TRMT13: variants seen among roughly 807,000 people sequenced by gnomAD.
TRMT13 encodes tRNA methyltransferase 13.
In TRMT13, 45 loss-of-function variants were observed where a neutral mutation model predicts 55.9. The ratio of observed to expected loss-of-function variants is 0.80; its 90% CI spans 0.63 to 1.03. The LOEUF (loss-of-function observed/expected upper bound fraction) is 1.03. Ranked by LOEUF, TRMT13 falls within the 50% of genes least tolerant of loss-of-function variation. The pLI, the probability that TRMT13 is intolerant of heterozygous loss-of-function variation, is 0.00. For missense variants in TRMT13, 513 were observed against 563.9 expected (o/e 0.91, Z 0.91); for synonymous variants, 183 against 196.3 (o/e 0.93, Z 0.57).
chr1:100,133,394 T>G, intron 1 of TRMT13, 79 bp downstream of exon 1: 2 of 1,479,190 alleles, frequency 1.4e-6, no homozygotes, highest in Non-Finnish European at 1.8e-6. Context: ...GCCCCTCCCC[T>G]CTTTGACAGC....
At chr1:100,148,395 C>T (rs1657560994) in intron 10 of TRMT13, 69 bp downstream of exon 10, 3 of 1,387,164 alleles carry the variant, frequency 2.2e-6, no homozygotes, top group Non-Finnish European at 3.0e-6. Context: ...CTTTAGATGA[C>T]TATTATCAAC....
rs748775313 is a variant in TRMT13, at chr1:100,147,876, A to G, written c.818-18A>G. ...AAAGATGATGTGGTTTGGGGGGGCC[A>G]CATAATTGTGTTTGCAGATCTTGCA... On this transcript the variant is annotated intron_variant, in intron 9 of 10. Transcript: ENST00000370141. 3 of 1,570,384 alleles carry G rather than the reference A, an allele frequency of 1.9e-6. No individual in the cohort carries two copies. In the African/African-American group the frequency reaches 4.1e-5, roughly 22 times the overall value.
At position 100,148,926 on chromosome 1, in the gene TRMT13, TA is replaced by T; in HGVS notation, c.*112del. On this transcript the variant is annotated 3_prime_UTR_variant, in exon 11 of 11. Coordinates refer to ENST00000370141, the MANE Select transcript of TRMT13 (RefSeq NM_019083.3). ...TTTAAATAGCAAATAATATGAACTT[TA>T]AAAAATGCTGTGGCCTCATTAAACT... 8.7e-7 allele frequency: 1 copy of T among 1,144,146 alleles called. No homozygotes were observed. The highest frequency in any genetic ancestry group is 1.2e-6 in the Non-Finnish European group (1 of 857,522). 70.9% of individuals were successfully genotyped at this position (1,144,146 alleles called of 1,614,324 possible). A position where few individuals can be genotyped will look rare whatever the true frequency, so the allele number is the denominator to read the frequency against.
intron 9 of TRMT13, among the ~76,000 whole-genome samples, chr1:100,146,908 T>C (rs1297808287): frequency 6.6e-6 from 1 of 152,232 alleles, no homozygotes. Flanking sequence ...GTTTATGAAA[T>C]AATAGATTAG....
In TRMT13 at chr1:100,149,565, C is replaced by T. The variant is rs568299100; in HGVS notation, c.*745C>T. 4.8e-6 allele frequency: 4 copies of T among 830,258 alleles called. No homozygotes were observed. In the East Asian group the frequency reaches 1.2e-4, roughly 25 times the overall value. The allele number at this position is 830,258 out of a possible 1,614,324, so 51.4% of individuals were successfully genotyped here. ...ATAATTTCTGAAGTTGATTAGCTATCTCATATCTTTTATCAGGTCATTTTT... is the reference window on the plus strand; with the variant it reads ...ATAATTTCTGAAGTTGATTAGCTATTTCATATCTTTTATCAGGTCATTTTT... On this transcript the variant is annotated 3_prime_UTR_variant, in exon 11 of 11. Transcript: ENST00000370141.
chr1:100,146,138 T>C (rs576404653), intron 9 of TRMT13, among the ~76,000 whole-genome samples: 1 of 152,272 alleles, frequency 6.6e-6, no homozygotes, highest in African/African-American at 2.4e-5. Context: ...AAACAACTGG[T>C]CAATTTTTAC....
intron 1 of TRMT13, among the ~76,000 whole-genome samples, chr1:100,136,054 A>G (rs1655809488): frequency 6.6e-6 from 1 of 152,176 alleles, no homozygotes; most frequent in Non-Finnish European, 1.5e-5. Context: ...AGGCTATACT[A>G]TCTAGGTTTG....
chr1:100,148,189 A>C lies in TRMT13; in HGVS notation c.1113A>C (p.Ala371=), dbSNP rs371180483. The stretch of plus-strand genomic sequence containing the variant: ...ATTTCCAGCGAATGAGTAGTTGGGC[A>C]ACTTGTGGGATGCGGAAAACATCTT... ...FHYFQRMSSW[A]TCGMRKTSLE... The change falls in exon 10 of 11, where the codon GCA becomes GCC. Residue 371 remains alanine, a synonymous_variant. Transcript: ENST00000370141. 29 of 1,614,096 alleles carry C rather than the reference A, an allele frequency of 1.8e-5. No homozygotes were observed. The highest frequency in any genetic ancestry group is 2.7e-5 in the African/African-American group (2 of 74,924).
chr1:100,145,263 C>T (rs546646420), intron 9 of TRMT13, among the ~76,000 whole-genome samples: 116 of 152,298 alleles, frequency 7.6e-4, no homozygotes, highest in Non-Finnish European at 1.4e-3. Flanking sequence ...AAAACATACA[C>T]CAATAGTTAA....
chr1:100,148,581 T>C lies in TRMT13; in HGVS notation c.1251-44T>C, dbSNP rs566065003. On this transcript the variant is annotated intron_variant, in intron 10 of 10. Coordinates refer to ENST00000370141, the MANE Select transcript of TRMT13 (RefSeq NM_019083.3). Reference sequence around the variant, plus strand: ...GACAAAAATAATTTTTTATAAACTTTTGCAAAATTTTAACAATGTTTTGTG... The same window carrying C: ...GACAAAAATAATTTTTTATAAACTTCTGCAAAATTTTAACAATGTTTTGTG... The C allele has an allele frequency of 9.7e-6, 15 of 1,552,088 alleles. No individual in the cohort carries two copies. The East Asian group carries it at 2.0e-4, about 21-fold the overall frequency.
intron 9 of TRMT13, among the ~76,000 whole-genome samples, chr1:100,145,548 T>G (rs1657143520): frequency 6.6e-6 from 1 of 152,224 alleles, no homozygotes; most frequent in Non-Finnish European, 1.5e-5. Flanking sequence ...TATGCCATTC[T>G]TCTGTTTATT....
At position 100,150,244 on chromosome 1, in the gene TRMT13, T is replaced by C. The variant is rs1657846778; in HGVS notation, c.*1424T>C. 1 of 152,238 alleles carries C rather than the reference T, an allele frequency of 6.6e-6. No individual in the cohort carries two copies. Among genetic ancestry groups the C allele is most frequent in the Admixed American group, 6.5e-5 (1 of 15,284 alleles). 9.4% of individuals were successfully genotyped at this position (152,238 alleles called of 1,614,324 possible). On this transcript the variant is annotated 3_prime_UTR_variant, in exon 11 of 11. Transcript: ENST00000370141. ...GGTAGTAACTCGTGAATCTTTTTAATAACATAATAGGCTTTGATTTTATTA... is the reference window on the plus strand; with the variant it reads ...GGTAGTAACTCGTGAATCTTTTTAACAACATAATAGGCTTTGATTTTATTA...
chr1:100,142,279 G>C (rs1165476602), intron 7 of TRMT13, among the ~76,000 whole-genome samples: 1 of 152,154 alleles, frequency 6.6e-6, no homozygotes, highest in African/African-American at 2.4e-5. Flanking sequence ...TGGTAAAGTA[G>C]AAGGAAATTT....
At chr1:100,148,477 T>C in intron 10 of TRMT13, 148 bp from the exon 11 acceptor site, 1 of 1,068,258 alleles carries the variant, frequency 9.4e-7, no homozygotes, top group Non-Finnish European at 1.3e-6. Context: ...ATTGTGGTCA[T>C]AAATATAATG....
Position 100,140,970 on chromosome 1 carries a change from C to T in TRMT13, c.620C>T (p.Ala207Val). 1 of 1,613,378 alleles carries T rather than the reference C, an allele frequency of 6.2e-7. No homozygotes were observed. The highest frequency in any genetic ancestry group is 8.5e-7 in the Non-Finnish European group (1 of 1,179,636). The change falls in exon 7 of 11, where the codon GCT (alanine) becomes GTT (valine). Residue 207 changes from alanine (A) to valine (V), a missense_variant. Transcript: ENST00000370141. Reference sequence around the variant, plus strand: ...TGGGTTGATATTGCCTTAAAAGATGCTGAAAAAGTTCACTTCATCCTAGTG... The same window carrying T: ...TGGGTTGATATTGCCTTAAAAGATGTTGAAAAAGTTCACTTCATCCTAGTG... ...SHWVDIALKDAEKVHFILVEK... is the reference protein window; with the variant it reads ...SHWVDIALKDVEKVHFILVEK...
At chr1:100,144,048 T>G (rs1656937857) in intron 8 of TRMT13, 21 bp from the exon 9 acceptor site, 2 of 1,592,160 alleles carry the variant, frequency 1.3e-6, no homozygotes, top group Non-Finnish European at 1.7e-6. Flanking sequence ...ACTAGACAGT[T>G]AATTCTCATT....
intron 8 of TRMT13, 49 bp downstream of exon 8, chr1:100,143,258 T>C (rs1281124223): frequency 1.6e-6 from 2 of 1,276,098 alleles, no homozygotes; most frequent in Non-Finnish European, 2.2e-6. Flanking sequence ...ATAACTGTTT[T>C]AAACTCTGAG....
chr1:100,150,280 T>A lies in TRMT13; in HGVS notation c.*1460T>A, dbSNP rs1657852132. The A allele has an allele frequency of 6.6e-6, 1 of 152,222 alleles. No homozygotes were observed. The highest frequency in any genetic ancestry group is 2.1e-4 in the South Asian group (1 of 4,826). 9.4% of individuals were successfully genotyped at this position (152,222 alleles called of 1,614,324 possible). ...GCTTTGATTTTATTATCTCTTTAAG[T>A]TGTTAACTTTTTTCCCTTGTTATAA... On this transcript the variant is annotated 3_prime_UTR_variant, in exon 11 of 11. Transcript: ENST00000370141.
chr1:100,143,001 T>C (rs1223427291), intron 7 of TRMT13, 136 bp from the exon 8 acceptor site: 4 of 592,886 alleles, frequency 6.7e-6, no homozygotes, highest in Admixed American at 3.3e-5. Context: ...GAAGTTCTCA[T>C]CAAAGAATGT....
Sources: allele counts gnomAD v4.1 joint callset (sites outside exome capture counted in the v4.1 genomes callset), GRCh38; gene constraint gnomAD v4.1.1; transcripts MANE v1.5; gene names NCBI Gene and HGNC (gene_info 2026-07-23, HGNC 2026-07-21).